SCN11A: variants seen among roughly 807,000 people sequenced by gnomAD.
The protein encoded by SCN11A is sodium channel protein type 11 subunit alpha.
In SCN11A, 122 loss-of-function variants were observed where a neutral mutation model predicts 162.2. The observed-to-expected ratio is 0.75, with a 90% CI of 0.65 to 0.87. The LOEUF (loss-of-function observed/expected upper bound fraction) is 0.87, where lower values mean the gene tolerates loss of function less well. Ranked by LOEUF, SCN11A falls within the 40% of genes least tolerant of loss-of-function variation. The pLI is 0.00. For missense variants in SCN11A, 2,015 were observed against 2,181.6 expected, an observed-to-expected ratio of 0.92 and a Z score of 1.52; for synonymous variants, 758 against 751.5, an observed-to-expected ratio of 1.01 and a Z score of -0.14.
intron 19 of SCN11A, among the ~76,000 whole-genome samples, chr3:38,893,615 G>A (rs1410694482): frequency 6.6e-6 from 1 of 152,036 alleles, no homozygotes. Flanking sequence ...AATACACTAT[G>A]CCACAAAACA....
rs755148619 is a variant in SCN11A at position 38,880,123 on chromosome 3, T to C, written c.3220A>G (p.Ile1074Val). The change falls in exon 23 of 30, where the codon ATA (isoleucine) becomes GTA (valine). Residue 1074 changes from isoleucine (I) to valine (V), a missense_variant and splice_region_variant. By Grantham distance (29) the Ile-to-Val change is conservative. Transcript: ENST00000302328. ...FVILLSSGAL[I>V]FEDVHLENQP... Reference sequence around the variant, plus strand: ...TTCTCAAGGTGAACATCTTCAAATATCTGAAATGAAAAAGCATAGCCATAG... The same window carrying C: ...TTCTCAAGGTGAACATCTTCAAATACCTGAAATGAAAAAGCATAGCCATAG... 3 of 1,603,248 alleles carry C rather than the reference T, an allele frequency of 1.9e-6. 1 individual carries two copies. Among genetic ancestry groups the C allele is most frequent in the South Asian group, 2.2e-5 (2 of 89,960 alleles).
chr3:38,937,003 G>A (rs764935235), intron 7 of SCN11A, among the ~76,000 whole-genome samples: 588 of 150,800 alleles, frequency 3.9e-3, no homozygotes, highest in Non-Finnish European at 6.2e-3. Flanking sequence ...AAAACAGCAT[G>A]GTACTGGTAC....
intron 7 of SCN11A, among the ~76,000 whole-genome samples, chr3:38,934,864 T>A (rs2066304789): frequency 6.6e-6 from 1 of 151,858 alleles, no homozygotes; most frequent in Non-Finnish European, 1.5e-5. Context: ...AACTCAGCTC[T>A]GCACCAAGCG....
Position 38,847,464 on chromosome 3 carries a change from T to C in SCN11A, c.4606A>G (p.Thr1536Ala). 6.2e-7 allele frequency: 1 copy of C among 1,614,190 alleles called. No individual in the cohort carries two copies. The highest frequency in any genetic ancestry group is 1.1e-5 in the South Asian group (1 of 91,086). ...SGIDDIFNFK[T>A]FASSMLCLFQ... ...AGACAGAGCATGCTGCTGGCAAAAGTCTTGAAGTTGAATATGTCATCGATT... is the reference window on the plus strand; with the variant it reads ...AGACAGAGCATGCTGCTGGCAAAAGCCTTGAAGTTGAATATGTCATCGATT... The change falls in exon 30 of 30, where the codon ACT becomes GCT. Residue 1536 changes from threonine to alanine, a missense_variant. By Grantham distance (58) the Thr-to-Ala change is moderately conservative (BLOSUM62 0). Coordinates refer to ENST00000302328, the MANE Select transcript of SCN11A (RefSeq NM_001349253.2).
intron 19 of SCN11A, among the ~76,000 whole-genome samples, chr3:38,887,279 G>C (rs1447049725): frequency 6.6e-6 from 1 of 151,866 alleles, no homozygotes; most frequent in African/African-American, 2.4e-5. Flanking sequence ...TTATAACCTG[G>C]CAGGATCCAT....
intron 25 of SCN11A, 58 bp downstream of exon 25, chr3:38,871,387 T>C: frequency 6.8e-7 from 1 of 1,461,274 alleles, no homozygotes; most frequent in Non-Finnish European, 9.2e-7. Context: ...TGAGAAACAA[T>C]TCATGATTCT....
chr3:38,924,662 T>G, intron 9 of SCN11A, among the ~76,000 whole-genome samples: 1 of 152,198 alleles, frequency 6.6e-6, no homozygotes, highest in Middle Eastern at 3.4e-3. Context: ...AGTGAGCCAC[T>G]GCACCTGGCC....
chr3:38,892,132 T>C (rs1035449552), intron 19 of SCN11A, among the ~76,000 whole-genome samples: 1 of 152,130 alleles, frequency 6.6e-6, no homozygotes, highest in African/African-American at 2.4e-5. Flanking sequence ...TATGATATAT[T>C]CAAAGTGCTG....
At chr3:38,887,224 C>A (rs1308445089) in intron 19 of SCN11A, among the ~76,000 whole-genome samples, 2 of 152,026 alleles carry the variant, frequency 1.3e-5, no homozygotes, top group Non-Finnish European at 2.9e-5. Context: ...AAGAACAGAA[C>A]CTACTTCAGG....
At chr3:39,006,708 G>A (rs2030989804) in intron 2 of SCN11A, among the ~76,000 whole-genome samples, 1 of 152,082 alleles carries the variant, frequency 6.6e-6, no homozygotes, top group Admixed American at 6.6e-5. Flanking sequence ...AGGCCAAGGT[G>A]GGAGGATTGC....
chr3:38,912,648 A>C (rs1307654067), intron 11 of SCN11A, among the ~76,000 whole-genome samples: 1 of 152,048 alleles, frequency 6.6e-6, no homozygotes, highest in Non-Finnish European at 1.5e-5. Flanking sequence ...ATCCTCAAGT[A>C]GGTCCCAGTA....
chr3:38,933,708 G>T (rs1463821935), intron 7 of SCN11A, among the ~76,000 whole-genome samples: 1 of 152,226 alleles, frequency 6.6e-6, no homozygotes, highest in Non-Finnish European at 1.5e-5. Flanking sequence ...AAGCCTCCAA[G>T]AAATATGGGA....
intron 4 of SCN11A, among the ~76,000 whole-genome samples, chr3:38,951,029 T>C (rs1406903271): frequency 1.3e-5 from 2 of 152,252 alleles, no homozygotes; most frequent in African/African-American, 4.8e-5. Flanking sequence ...GCGCCTCCTC[T>C]GCCTGGGCTC....
chr3:38,896,645 AT>A (rs2065601315), intron 18 of SCN11A, among the ~76,000 whole-genome samples, 199 bp downstream of exon 18: 1 of 152,146 alleles, frequency 6.6e-6, no homozygotes, highest in South Asian at 2.1e-4. Flanking sequence ...CATCAGTCAA[AT>A]GAGTAATATG....
chr3:38,868,135 T>C (rs1174573870), intron 26 of SCN11A, among the ~76,000 whole-genome samples: 1 of 152,226 alleles, frequency 6.6e-6, no homozygotes, highest in Non-Finnish European at 1.5e-5. Flanking sequence ...TGCATTGTTA[T>C]TGGCTTCAAG....
chr3:38,907,113 T>A (rs930075006), intron 14 of SCN11A, among the ~76,000 whole-genome samples: 1 of 151,808 alleles, frequency 6.6e-6, no homozygotes, highest in Non-Finnish European at 1.5e-5. Context: ...CCATTGCTTT[T>A]CCCCCAGGCC....
intron 13 of SCN11A, among the ~76,000 whole-genome samples, chr3:38,908,332 G>C (rs2065833548): frequency 6.6e-6 from 1 of 152,178 alleles, no homozygotes; most frequent in Non-Finnish European, 1.5e-5. Context: ...ACCAAAAGCA[G>C]CATTGACTCT....
At chr3:38,990,735 C>G (rs1160934166) in intron 2 of SCN11A, among the ~76,000 whole-genome samples, 1 of 152,078 alleles carries the variant, frequency 6.6e-6, no homozygotes, top group Non-Finnish European at 1.5e-5. Context: ...GCTTCCAATC[C>G]CCTTTTCACA....
intron 28 of SCN11A, among the ~76,000 whole-genome samples, chr3:38,858,166 C>T (rs1239224530): frequency 6.6e-6 from 1 of 152,100 alleles, no homozygotes; most frequent in Non-Finnish European, 1.5e-5. Context: ...TAGAACAGTA[C>T]TTCACATCTC....
Sources: allele counts gnomAD v4.1 joint callset (sites outside exome capture counted in the v4.1 genomes callset), GRCh38; gene constraint gnomAD v4.1.1; transcripts MANE v1.5; gene names NCBI Gene and HGNC (gene_info 2026-07-23, HGNC 2026-07-21).